The following SNX25 variants were observed in gnomAD, a reference collection of about 807,000 sequenced individuals.
SNX25 encodes sorting nexin 25.
SNX25 carries 62 observed loss-of-function variants against 113.7 expected under a neutral mutation model. That is an observed-to-expected ratio of 0.55 (90% CI 0.44 to 0.67). SNX25 has a LOEUF of 0.67. Among genes scored for constraint, SNX25 ranks in the 30% least tolerant of loss-of-function variants. The pLI, the probability that SNX25 is intolerant of heterozygous loss-of-function variation, is 0.00. For missense variants in SNX25, 1,014 were observed against 1,161.0 expected (o/e 0.87, Z 1.84); for synonymous variants, 421 against 436.2 (o/e 0.97, Z 0.43).
At chr4:185,338,025 G>A (rs79322211) in intron 10 of SNX25, among the ~76,000 whole-genome samples, 3,100 of 152,224 alleles carry the variant, frequency 0.02, 74 homozygotes, top group African/African-American at 0.052. Context: ...GTTGTTTATG[G>A]TTTTGTTGAG....
At position 185,363,646 on chromosome 4, in the gene SNX25, G is replaced by A; in HGVS notation, c.*181G>A. ...GGGACTTATGCTGTGGTAGGCAACA[G>A]AAAAAAACTTCTATTGATTTTAATT... On this transcript the variant is annotated 3_prime_UTR_variant, in exon 19 of 19. Transcript: ENST00000652585. This position sits in a 1 kb window ranked among gnomAD's most constrained non-coding sequence, Gnocchi z 4.2. 6.3e-6 allele frequency: 3 copies of A among 477,860 alleles called. No homozygotes were observed. The highest frequency in any genetic ancestry group is 7.4e-6 in the Non-Finnish European group (2 of 271,180). The allele number at this position is 477,860 out of a possible 1,614,324, so 29.6% of individuals were successfully genotyped here.
Position 185,212,463 on chromosome 4 carries a change from A to ATGTGTG in SNX25, c.429+2232_429+2237dup, listed in dbSNP as rs1553980506. Among the ~76,000 whole-genome samples, 6 of 119,412 alleles carry ATGTGTG rather than the reference A, an allele frequency of 5.0e-5. No homozygotes were observed. The South Asian group carries it at 8.0e-4, about 16-fold the overall frequency. 78.3% of individuals were successfully genotyped at this position (119,412 alleles called of 152,430 possible). On this transcript the variant is annotated intron_variant, in intron 1 of 18. Transcript: ENST00000652585. ...TGCTGTATTTCCAATAATTTGTGTGATGTGTGTGTGTGTGTGTGTGTGTGT... is the reference window on the plus strand; with the variant it reads ...TGCTGTATTTCCAATAATTTGTGTGATGTGTGTGTGTGTGTGTGTGTGTGTGTGTGT...
chr4:185,341,661 T>C (rs1374365493), intron 11 of SNX25, among the ~76,000 whole-genome samples: 1 of 152,222 alleles, frequency 6.6e-6, no homozygotes, highest in Non-Finnish European at 1.5e-5. Context: ...CCTTTGGTCA[T>C]AGAACTGAGA....
intron 4 of SNX25, 33 bp downstream of exon 4, chr4:185,264,643 T>C: frequency 6.2e-7 from 1 of 1,604,552 alleles, no homozygotes; most frequent in Non-Finnish European, 8.5e-7. Flanking sequence ...ACTAATTCAA[T>C]AAGTGTGCAA....
intron 6 of SNX25, among the ~76,000 whole-genome samples, chr4:185,310,030 G>C (rs1231631404): frequency 2.0e-5 from 3 of 152,126 alleles, no homozygotes; most frequent in Non-Finnish European, 4.4e-5. Context: ...TTCTCACTTT[G>C]ACACTCGCTA....
At chr4:185,313,322 A>G (rs1179263411) in intron 7 of SNX25, among the ~76,000 whole-genome samples, 1 of 152,238 alleles carries the variant, frequency 6.6e-6, no homozygotes, top group Non-Finnish European at 1.5e-5. Flanking sequence ...CCAGAGATGA[A>G]GAACCTTTCA....
intron 13 of SNX25, among the ~76,000 whole-genome samples, chr4:185,348,016 C>A (rs1295124903): frequency 6.6e-6 from 1 of 152,186 alleles, no homozygotes; most frequent in African/African-American, 2.4e-5. Flanking sequence ...ATTAAGAAAT[C>A]TTGGCCTACT....
At chr4:185,264,415 TC>T (rs1368486971) in intron 3 of SNX25, 22 bp from the exon 4 acceptor site, 3 of 1,602,060 alleles carry the variant, frequency 1.9e-6, no homozygotes, top group Non-Finnish European at 2.6e-6. Flanking sequence ...CTTCTTTCCT[TC>T]TTTTTCACTC....
chr4:185,240,916 G>C (rs1294672016), intron 1 of SNX25, among the ~76,000 whole-genome samples: 3 of 150,594 alleles, frequency 2.0e-5, no homozygotes, highest in African/African-American at 7.3e-5. Flanking sequence ...CATCTCAGAC[G>C]ATGGGCGGCC....
At chr4:185,274,844 T>C (rs1190472878) in intron 5 of SNX25, among the ~76,000 whole-genome samples, 3 of 152,232 alleles carry the variant, frequency 2.0e-5, no homozygotes, top group Admixed American at 6.5e-5. Context: ...GTAAACTGAC[T>C]TGCCCAGGAT....
At chr4:185,252,526 G>A (rs1431461774) in intron 2 of SNX25, among the ~76,000 whole-genome samples, 3 of 152,144 alleles carry the variant, frequency 2.0e-5, no homozygotes, top group Non-Finnish European at 2.9e-5. Context: ...CTCCTTGGAA[G>A]CTAATTTAAA....
downstream of SNX25, among the ~76,000 whole-genome samples, chr4:185,368,764 G>A (rs1304441299): frequency 6.6e-6 from 1 of 151,692 alleles, no homozygotes; most frequent in East Asian, 1.9e-4. Context: ...CCCATCGTAT[G>A]GAAAATCGTT....
At chr4:185,324,818 C>T (rs779788499) in intron 9 of SNX25, among the ~76,000 whole-genome samples, 10 of 152,060 alleles carry the variant, frequency 6.6e-5, no homozygotes, top group South Asian at 4.2e-4. Context: ...CAAGGGGCAG[C>T]GTGTTCCTTC....
chr4:185,209,567 C>G (rs758869432), upstream of SNX25: 1 of 255,030 alleles, frequency 3.9e-6, no homozygotes, highest in East Asian at 1.8e-4. The surrounding 1 kb of genome is among the most constrained non-coding windows in gnomAD (Gnocchi z 5.2). Flanking sequence ...AGGGCGGCCC[C>G]GCCCCGCCCG....
chr4:185,225,701 C>T (rs1560906639), intron 1 of SNX25, among the ~76,000 whole-genome samples: 1 of 152,112 alleles, frequency 6.6e-6, no homozygotes, highest in Non-Finnish European at 1.5e-5. Context: ...CTGCTGTTTG[C>T]AGGTGTATTA....
intron 1 of SNX25, among the ~76,000 whole-genome samples, chr4:185,240,970 C>T (rs1469638048): frequency 2.0e-5 from 3 of 150,704 alleles, no homozygotes; most frequent in South Asian, 2.1e-4. Context: ...GGCGGCCGGG[C>T]AGAGACGCTC....
At chr4:185,261,124 G>GTGTGTCTC (rs201175733) in intron 3 of SNX25, among the ~76,000 whole-genome samples, 2 of 142,588 alleles carry the variant, frequency 1.4e-5, no homozygotes, top group African/African-American at 5.2e-5. Flanking sequence ...CTGTGTGTGT[G>GTGTGTCTC]TGTGTGTGTG....
At chr4:185,357,779 T>C in intron 16 of SNX25, 42 bp downstream of exon 16, 1 of 1,524,354 alleles carries the variant, frequency 6.6e-7, no homozygotes, top group Non-Finnish European at 9.1e-7. Flanking sequence ...TGCCCTACTC[T>C]TTTGCCTTGA....
At chr4:185,349,291 C>T (rs1724572980) in intron 13 of SNX25, among the ~76,000 whole-genome samples, 1 of 152,178 alleles carries the variant, frequency 6.6e-6, no homozygotes, top group Non-Finnish European at 1.5e-5. Context: ...ATGTATACCA[C>T]GTTTTCTCTA....
Sources: gnomAD v4.1 joint callset for allele counts (sites outside exome capture counted in the v4.1 genomes callset) on GRCh38, gnomAD v4.1.1 for gene constraint, Gnocchi (gnomAD v3.1) non-coding constraint, MANE v1.5 for transcripts, NCBI Gene and HGNC (gene_info 2026-07-23, HGNC 2026-07-21) for gene names.